Variants in EPB41L2 observed in about 807,000 individuals in gnomAD.
EPB41L2 encodes erythrocyte membrane protein band 4.1 like 2.
In EPB41L2, 43 loss-of-function variants were observed where a neutral mutation model predicts 113.0. The observed-to-expected ratio is 0.38, with a 90% CI of 0.30 to 0.49. The LOEUF (loss-of-function observed/expected upper bound fraction) is 0.49. EPB41L2 is among the 20% of genes least tolerant of loss of function. EPB41L2 has a pLI of 0.95. For missense variants in EPB41L2, 1,147 were observed against 1,223.4 expected, an observed-to-expected ratio of 0.94 and a Z score of 0.93; for synonymous variants, 442 against 436.7, an observed-to-expected ratio of 1.01 and a Z score of -0.15.
intron 1 of EPB41L2, among the ~76,000 whole-genome samples, chr6:131,058,357 T>A (rs1226998075): frequency 6.6e-6 from 1 of 152,100 alleles, no homozygotes; most frequent in Non-Finnish European, 1.5e-5. Context: ...ACCATGGAAA[T>A]ATATAGCCTA....
intron 1 of EPB41L2, among the ~76,000 whole-genome samples, chr6:131,028,477 T>C (rs12203760): frequency 0.27 from 40,679 of 152,108 alleles, 5,690 homozygotes; most frequent in East Asian, 0.43. Flanking sequence ...AGCTGTTTTA[T>C]TATTTTAAAA....
chr6:130,911,286 G>C (rs1799305435), intron 4 of EPB41L2, among the ~76,000 whole-genome samples: 1 of 151,600 alleles, frequency 6.6e-6, no homozygotes, highest in Non-Finnish European at 1.5e-5. Context: ...CAGAAAACCT[G>C]CATATTCGCA....
At chr6:130,918,159 T>A (rs1484033340) in intron 4 of EPB41L2, among the ~76,000 whole-genome samples, 1 of 152,230 alleles carries the variant, frequency 6.6e-6, no homozygotes, top group Non-Finnish European at 1.5e-5. Context: ...CTAGATTGAA[T>A]GTAGAACTTT....
chr6:130,925,190 C>CT (rs398048854), intron 4 of EPB41L2, among the ~76,000 whole-genome samples: 4,310 of 130,296 alleles, frequency 0.033, 221 homozygotes, highest in African/African-American at 0.082. Context: ...GATTTCTTTT[C>CT]TTTTTTTTTT....
At chr6:131,033,616 A>C (rs1792683357) in intron 1 of EPB41L2, among the ~76,000 whole-genome samples, 1 of 152,262 alleles carries the variant, frequency 6.6e-6, no homozygotes, top group African/African-American at 2.4e-5. Flanking sequence ...AAAGGAATAA[A>C]ATTCTGACAC....
At chr6:130,964,492 C>A (rs1339433378) in intron 1 of EPB41L2, among the ~76,000 whole-genome samples, 182 of 144,874 alleles carry the variant, frequency 1.3e-3, no homozygotes, top group South Asian at 1.7e-3. Context: ...TCCTCATAAG[C>A]AAAAAAAAAA....
At chr6:130,850,475 G>A (rs1778463564) in intron 19 of EPB41L2, among the ~76,000 whole-genome samples, 1 of 152,066 alleles carries the variant, frequency 6.6e-6, no homozygotes, top group Admixed American at 6.5e-5. Context: ...GTAACGACAA[G>A]GACCAATAAC....
chr6:131,056,036 C>A (rs11961521), intron 1 of EPB41L2, among the ~76,000 whole-genome samples: 25,212 of 152,088 alleles, frequency 0.17, 2,212 homozygotes, highest in African/African-American at 0.22. Context: ...ACCCAGTGGA[C>A]CAAGTGCTAC....
chr6:130,978,353 C>T (rs998523268), intron 1 of EPB41L2, among the ~76,000 whole-genome samples: 10 of 152,238 alleles, frequency 6.6e-5, no homozygotes, highest in African/African-American at 2.4e-4. Flanking sequence ...TCTCACTATC[C>T]TCCTTCTGCC....
At chr6:130,861,063 CT>C (rs1229978436) in intron 18 of EPB41L2, among the ~76,000 whole-genome samples, 4 of 151,828 alleles carry the variant, frequency 2.6e-5, no homozygotes, top group African/African-American at 9.7e-5. Context: ...TTTAAGATGC[CT>C]TTTTTATTTT....
At chr6:130,943,491 T>C (rs965172103) in intron 3 of EPB41L2, among the ~76,000 whole-genome samples, 4 of 152,216 alleles carry the variant, frequency 2.6e-5, no homozygotes, top group Non-Finnish European at 5.9e-5. Context: ...AAAAACTTAC[T>C]AAGTGGTAAA....
chr6:131,024,621 C>A (rs899117431), intron 1 of EPB41L2, among the ~76,000 whole-genome samples: 3 of 152,150 alleles, frequency 2.0e-5, no homozygotes, highest in African/African-American at 7.2e-5. Flanking sequence ...AGCGCAAGGA[C>A]CGACCGTGTC....
intron 1 of EPB41L2, among the ~76,000 whole-genome samples, chr6:131,045,903 T>C (rs1012265111): frequency 1.3e-4 from 19 of 151,900 alleles, no homozygotes; most frequent in Non-Finnish European, 2.2e-4. Context: ...ATGAAAACTT[T>C]ATCAAATGTT....
At position 130,928,612 on chromosome 6, in the gene EPB41L2, T is replaced by A. The variant is rs555831073; in HGVS notation, c.706-1903A>T. Among the ~76,000 whole-genome samples the A allele has an allele frequency of 8.5e-5, 13 of 152,372 alleles. No homozygotes were observed. The South Asian group carries it at 2.7e-3, about 32-fold the overall frequency. ...ATTCACATGTTCTCATTGGTTTCCATTTCAAAAATAGGAACATGCCCTCAT... is the reference window on the plus strand; with the variant it reads ...ATTCACATGTTCTCATTGGTTTCCAATTCAAAAATAGGAACATGCCCTCAT... On this transcript the variant is annotated intron_variant, in intron 3 of 19. Coordinates refer to ENST00000337057, the MANE Select transcript of EPB41L2 (RefSeq NM_001431.4).
intron 1 of EPB41L2, among the ~76,000 whole-genome samples, chr6:130,990,859 C>T (rs1180284972): frequency 6.8e-6 from 1 of 147,180 alleles, no homozygotes; most frequent in African/African-American, 2.5e-5. Flanking sequence ...TGGAGTCTCG[C>T]TCTGCCGCCC....
At chr6:131,047,753 G>C (rs1480916396) in intron 1 of EPB41L2, among the ~76,000 whole-genome samples, 1 of 152,100 alleles carries the variant, frequency 6.6e-6, no homozygotes, top group Admixed American at 6.5e-5. Flanking sequence ...AGCTAAAAAA[G>C]AATATTTTGC....
At chr6:130,976,837 A>C (rs1778302600) in intron 1 of EPB41L2, among the ~76,000 whole-genome samples, 1 of 152,244 alleles carries the variant, frequency 6.6e-6, no homozygotes, top group African/African-American at 2.4e-5. Flanking sequence ...TATGTGCTGC[A>C]TTCCTGCTTT....
At chr6:130,939,163 A>C (rs1423914203) in intron 3 of EPB41L2, among the ~76,000 whole-genome samples, 1 of 152,224 alleles carries the variant, frequency 6.6e-6, no homozygotes, top group Non-Finnish European at 1.5e-5. Context: ...AGAAATGTTT[A>C]ATGAATAAAG....
chr6:130,945,573 C>T (rs1379878800), intron 3 of EPB41L2, among the ~76,000 whole-genome samples: 4 of 152,168 alleles, frequency 2.6e-5, no homozygotes, highest in African/African-American at 9.7e-5. Flanking sequence ...TGCACATTCA[C>T]TCAAGCTTCC....
Sources: gnomAD v4.1 joint callset for allele counts (sites outside exome capture counted in the v4.1 genomes callset) on GRCh38, gnomAD v4.1.1 for gene constraint, MANE v1.5 for transcripts, NCBI Gene and HGNC (gene_info 2026-07-23, HGNC 2026-07-21) for gene names.